Variants in SNCAIP observed in about 807,000 individuals in gnomAD.
SNCAIP encodes synuclein alpha interacting protein, also known as synphilin-1.
SNCAIP carries 43 observed loss-of-function variants against 86.7 expected under a neutral mutation model. The ratio of observed to expected loss-of-function variants is 0.50; its 90% confidence interval spans 0.39 to 0.64. The LOEUF is 0.64. SNCAIP is among the 30% of genes least tolerant of loss of function. SNCAIP has a pLI of 0.00. For synonymous variants in SNCAIP, 417 were observed against 427.2 expected (o/e 0.98, Z 0.29); for missense variants, 981 against 1,103.1 (o/e 0.89, Z 1.57).
intron 1 of SNCAIP, among the ~76,000 whole-genome samples, chr5:122,327,694 T>C (rs1754395191): frequency 6.6e-6 from 1 of 152,242 alleles, no homozygotes; most frequent in African/African-American, 2.4e-5. Flanking sequence ...TGTGAGTCAA[T>C]TAAACCTCTT....
chr5:122,371,752 T>A (rs989399850), intron 1 of SNCAIP: 3 of 152,200 alleles, frequency 2.0e-5, no homozygotes, highest in Non-Finnish European at 2.9e-5. Flanking sequence ...CAATCTGCTT[T>A]ACTCTCTGGA....
At chr5:122,432,725 A>T (rs1278406984) in intron 6 of SNCAIP, among the ~76,000 whole-genome samples, 2 of 152,124 alleles carry the variant, frequency 1.3e-5, no homozygotes, top group East Asian at 3.9e-4. Flanking sequence ...CCCAACATTA[A>T]TTAGTGTACA....
chr5:122,421,802 A>G (rs1776413663), intron 3 of SNCAIP, among the ~76,000 whole-genome samples: 1 of 152,108 alleles, frequency 6.6e-6, no homozygotes, highest in African/African-American at 2.4e-5. Flanking sequence ...GGGAGGAAGC[A>G]GTATAATCAT....
chr5:122,336,245 G>A (rs1253911426), intron 1 of SNCAIP, among the ~76,000 whole-genome samples: 2 of 152,164 alleles, frequency 1.3e-5, no homozygotes, highest in African/African-American at 4.8e-5. Flanking sequence ...TCAGTCTTAT[G>A]TACTGTATTA....
intron 6 of SNCAIP, chr5:122,436,748 A>G (rs1429159305): frequency 6.6e-6 from 1 of 152,212 alleles, no homozygotes; most frequent in African/African-American, 2.4e-5. Context: ...AACCTGTGAC[A>G]TACTTCTCAA....
chr5:122,365,097 GC>G (rs1762902532), intron 1 of SNCAIP, among the ~76,000 whole-genome samples: 1 of 151,832 alleles, frequency 6.6e-6, no homozygotes, highest in South Asian at 2.1e-4. Flanking sequence ...CTACTTTGTT[GC>G]CCCCATGCCC....
intron 5 of SNCAIP, 141 bp downstream of exon 5, chr5:122,425,672 G>T: frequency 1.4e-6 from 1 of 701,528 alleles, no homozygotes; most frequent in South Asian, 1.7e-5. Context: ...GCATTTAAGA[G>T]AGTAATCATT....
chr5:122,406,404 G>A (rs1235335554), intron 3 of SNCAIP, among the ~76,000 whole-genome samples: 1 of 152,160 alleles, frequency 6.6e-6, no homozygotes. Flanking sequence ...TTGGGATGGG[G>A]CACTCTCAGG....
chr5:122,430,757 G>A (rs1397546927), intron 5 of SNCAIP, among the ~76,000 whole-genome samples: 7 of 149,910 alleles, frequency 4.7e-5, no homozygotes, highest in Non-Finnish European at 1.0e-4. Flanking sequence ...AAATTATGAG[G>A]GTAAAAAATA....
chr5:122,358,558 T>C (rs1298866837), intron 1 of SNCAIP, among the ~76,000 whole-genome samples: 3 of 152,060 alleles, frequency 2.0e-5, no homozygotes, highest in Non-Finnish European at 4.4e-5. Flanking sequence ...TTTAGCATGA[T>C]AAGCCCTTTT....
intron 1 of SNCAIP, among the ~76,000 whole-genome samples, chr5:122,332,798 G>A (rs1755654411): frequency 6.6e-6 from 1 of 152,222 alleles, no homozygotes; most frequent in South Asian, 2.1e-4. Flanking sequence ...TTGTGCTTAA[G>A]GGCTTTGCTG....
intron 10 of SNCAIP, chr5:122,452,821 C>T (rs1783976542): frequency 1.4e-6 from 1 of 736,682 alleles, no homozygotes; most frequent in Non-Finnish European, 2.4e-6. Flanking sequence ...AAGCCACTGT[C>T]CTCTAATCTA....
At chr5:122,375,191 A>G (rs1256318795) in intron 1 of SNCAIP, among the ~76,000 whole-genome samples, 1 of 152,214 alleles carries the variant, frequency 6.6e-6, no homozygotes, top group African/African-American at 2.4e-5. Context: ...AAAGGATATT[A>G]TTTTATAGGG....
At chr5:122,443,708 A>G (rs779811997) in intron 7 of SNCAIP, 1 of 455,066 alleles carries the variant, frequency 2.2e-6, no homozygotes, top group Non-Finnish European at 4.4e-6. Context: ...AAAGTCCGGT[A>G]TCTCTTTGCT....
chr5:122,449,121 C>A (rs1783155187), intron 8 of SNCAIP, among the ~76,000 whole-genome samples: 1 of 152,100 alleles, frequency 6.6e-6, no homozygotes, highest in African/African-American at 2.4e-5. Flanking sequence ...GCATTTAATA[C>A]ACCTAACCTG....
intron 5 of SNCAIP, 26 bp from the exon 6 acceptor site, chr5:122,431,943 A>G (rs1159101374): frequency 1.8e-6 from 2 of 1,102,356 alleles, no homozygotes; most frequent in Non-Finnish European, 2.8e-6. Context: ...TTGAATTTCC[A>G]TCTCCCTTTC....
In SNCAIP at chr5:122,422,852, A is replaced by T; in HGVS notation, c.131-16A>T. 1 of 1,609,122 alleles carries T rather than the reference A, an allele frequency of 6.2e-7. No individual in the cohort carries two copies. The highest frequency in any genetic ancestry group is 8.5e-7 in the Non-Finnish European group (1 of 1,175,534). On this transcript the variant is annotated splice_polypyrimidine_tract_variant and intron_variant, in intron 3 of 10. Transcript: ENST00000261368. Reference sequence around the variant, plus strand: ...TTCCAGATTAATAGCTTTCTATTTTAATTTTTTAAAAACAGTTTCTAGCTC... The same window carrying T: ...TTCCAGATTAATAGCTTTCTATTTTTATTTTTTAAAAACAGTTTCTAGCTC...
At chr5:122,413,619 C>T (rs192355700) in intron 3 of SNCAIP, among the ~76,000 whole-genome samples, 11 of 152,132 alleles carry the variant, frequency 7.2e-5, no homozygotes, top group Non-Finnish European at 1.3e-4. Context: ...TGCATAGAGA[C>T]GTTCAATATA....
intron 3 of SNCAIP, among the ~76,000 whole-genome samples, chr5:122,404,685 A>C (rs559602402): frequency 1.1e-4 from 17 of 152,336 alleles, no homozygotes; most frequent in African/African-American, 4.1e-4. Flanking sequence ...TGAGAACCAG[A>C]TAATCCTCAA....
Sources: allele counts gnomAD v4.1 joint callset (sites outside exome capture counted in the v4.1 genomes callset), GRCh38; gene constraint gnomAD v4.1.1; transcripts MANE v1.5; gene names NCBI Gene and HGNC (gene_info 2026-07-23, HGNC 2026-07-21).